The following USP28 variants were observed in gnomAD, a reference collection of about 807,000 sequenced individuals.
USP28 encodes ubiquitin carboxyl-terminal hydrolase 28.
A neutral mutation model predicts 145.0 loss-of-function variants in USP28; 113 were observed. The ratio of observed to expected loss-of-function variants is 0.78; its 90% CI spans 0.67 to 0.91. USP28 has a LOEUF of 0.91. Among genes scored for constraint, USP28 ranks in the 40% least tolerant of loss-of-function variants. USP28 has a pLI of 0.00. For synonymous variants in USP28, 447 were observed against 450.9 expected, an observed-to-expected ratio of 0.99 and a Z score of 0.11; for missense variants, 1,201 against 1,289.6, an observed-to-expected ratio of 0.93 and a Z score of 1.05.
chr11:113,852,000 C>T (rs1373009084), intron 3 of USP28, among the ~76,000 whole-genome samples: 1 of 152,140 alleles, frequency 6.6e-6, no homozygotes, highest in Non-Finnish European at 1.5e-5. Flanking sequence ...TAAATAAATG[C>T]TAAACAATGA....
intron 15 of USP28, among the ~76,000 whole-genome samples, chr11:113,813,216 G>GT (rs1565352521): frequency 6.6e-6 from 1 of 152,120 alleles, no homozygotes; most frequent in Non-Finnish European, 1.5e-5. Flanking sequence ...GGAAGCCTGC[G>GT]TTTTACATGG....
intron 7 of USP28, among the ~76,000 whole-genome samples, chr11:113,832,765 T>C (rs1286267720): frequency 6.6e-6 from 1 of 152,048 alleles, no homozygotes; most frequent in Non-Finnish European, 1.5e-5. Context: ...ACAGCTTTGT[T>C]TTTGTTTTTA....
intron 1 of USP28, among the ~76,000 whole-genome samples, chr11:113,856,677 G>A (rs1947082657): frequency 6.6e-6 from 1 of 152,046 alleles, no homozygotes; most frequent in African/African-American, 2.4e-5. Context: ...GCAAAAAAAC[G>A]CAAATATCTT....
At chr11:113,813,537 G>A (rs1941300071) in intron 15 of USP28, among the ~76,000 whole-genome samples, 5 of 152,142 alleles carry the variant, frequency 3.3e-5, no homozygotes, top group African/African-American at 9.7e-5. Context: ...TGGAACTTTG[G>A]GAAAGAAAGG....
At chr11:113,867,768 G>C (rs1397561580) in intron 1 of USP28, among the ~76,000 whole-genome samples, 3 of 123,840 alleles carry the variant, frequency 2.4e-5, no homozygotes, top group Non-Finnish European at 1.6e-5. Flanking sequence ...AAGGAAACCT[G>C]TATACACATC....
rs139426480 is a variant in USP28, at chr11:113,808,782, T to C, written c.2164+281A>G. Among the ~76,000 whole-genome samples the C allele has an allele frequency of 2.1e-3, 318 of 152,352 alleles. 3 individuals carry two copies. The highest frequency in any genetic ancestry group is 4.0e-3 in the Non-Finnish European group (270 of 68,030). On this transcript the variant is annotated intron_variant, in intron 17 of 24. Transcript: ENST00000003302. ...AATGGTTTTCATAAAGTCTACCTAT[T>C]AACCCTATCATAGTTTCTCCCATAA...
chr11:113,849,004 C>A (rs889248254), intron 3 of USP28, among the ~76,000 whole-genome samples: 15 of 152,144 alleles, frequency 9.9e-5, no homozygotes, highest in African/African-American at 3.6e-4. Context: ...TGAAGCTACC[C>A]CTATAATTGA....
chr11:113,821,346 G>C (rs1565378962), intron 12 of USP28: 1 of 228,034 alleles, frequency 4.4e-6, no homozygotes, highest in Non-Finnish European at 9.8e-6. Flanking sequence ...CTTGGGTCCT[G>C]TGTCCAGCAT....
At chr11:113,799,556 C>T in intron 24 of USP28, 141 bp from the exon 26 acceptor site, 1 of 956,948 alleles carries the variant, frequency 1.0e-6, no homozygotes, top group Non-Finnish European at 1.5e-6. Context: ...ATTATTCCTT[C>T]AGGCCAAACC....
exon 24 of USP28, chr11:113,801,663 C>G: frequency 6.3e-7 from 1 of 1,576,320 alleles, no homozygotes; most frequent in Non-Finnish European, 8.7e-7. Flanking sequence ...AGAGAAGCTG[C>G]TTTGGCATTC....
intron 3 of USP28, among the ~76,000 whole-genome samples, chr11:113,843,130 G>A (rs1214643963): frequency 1.3e-5 from 2 of 152,196 alleles, no homozygotes; most frequent in African/African-American, 4.8e-5. Flanking sequence ...TACTTGGGAG[G>A]CTGAGGCAGG....
intron 4 of USP28, 84 bp from the exon 5 acceptor site, chr11:113,840,841 G>A: frequency 6.9e-7 from 1 of 1,459,546 alleles, no homozygotes; most frequent in South Asian, 1.5e-5. Context: ...AACTTTTCGT[G>A]GATAATTCAA....
chr11:113,857,010 G>C (rs964627222), intron 1 of USP28, among the ~76,000 whole-genome samples: 1 of 152,198 alleles, frequency 6.6e-6, no homozygotes, highest in African/African-American at 2.4e-5. Flanking sequence ...CAGAAGTAGA[G>C]AGGTAAATAT....
chr11:113,840,883 C>T, intron 4 of USP28, 126 bp from the exon 5 acceptor site: 1 of 1,203,300 alleles, frequency 8.3e-7, no homozygotes, highest in South Asian at 1.9e-5. Context: ...TGGATAATCC[C>T]TAGCTATATA....
At chr11:113,812,063 G>A (rs1941071132) in intron 16 of USP28, among the ~76,000 whole-genome samples, 1 of 152,202 alleles carries the variant, frequency 6.6e-6, no homozygotes, top group African/African-American at 2.4e-5. Flanking sequence ...CTAACATTGT[G>A]TACTTGTTGG....
At chr11:113,818,401 T>C (rs1942086113) in intron 12 of USP28, among the ~76,000 whole-genome samples, 1 of 152,176 alleles carries the variant, frequency 6.6e-6, no homozygotes, top group Non-Finnish European at 1.5e-5. Flanking sequence ...TCCACCCGCC[T>C]TGGCCTCCCA....
intron 14 of USP28, among the ~76,000 whole-genome samples, chr11:113,814,377 G>C (rs796739715): frequency 2.0e-5 from 3 of 152,130 alleles, no homozygotes; most frequent in Non-Finnish European, 4.4e-5. Context: ...AGACAGGAAG[G>C]GGGGTAAGGT....
chr11:113,812,789 T>C (rs1941201412), intron 15 of USP28, among the ~76,000 whole-genome samples: 1 of 152,202 alleles, frequency 6.6e-6, no homozygotes, highest in South Asian at 2.1e-4. Flanking sequence ...AACATATGCA[T>C]CCTTCTAATT....
chr11:113,806,393 C>A, intron 19 of USP28, 96 bp downstream of exon 20: 1 of 1,047,880 alleles, frequency 9.5e-7, no homozygotes, highest in South Asian at 1.5e-5. Flanking sequence ...ACCACCACAC[C>A]CAGCCTTAAC....
Sources: allele counts gnomAD v4.1 joint callset (sites outside exome capture counted in the v4.1 genomes callset), GRCh38; gene constraint gnomAD v4.1.1; transcripts MANE v1.5; gene names NCBI Gene and HGNC (gene_info 2026-07-23, HGNC 2026-07-21).